The following NRXN3 variants were observed in gnomAD, a reference collection of about 807,000 sequenced individuals.
NRXN3 encodes neurexin 3, also known as neurexin III.
A neutral mutation model predicts 137.6 loss-of-function variants in NRXN3; 32 were observed. The observed-to-expected ratio is 0.23, with a 90% CI of 0.18 to 0.31. NRXN3 has a LOEUF of 0.31. NRXN3 is among the 10% of genes least tolerant of loss of function. NRXN3 has a pLI of 1.00. For missense variants in NRXN3, 1,574 were observed against 2,062.5 expected (o/e 0.76, Z 4.59); for synonymous variants, 798 against 784.5 (o/e 1.02, Z -0.29).
At chr14:79,015,739 C>T (rs899578806) in intron 15 of NRXN3, among the ~76,000 whole-genome samples, 2 of 152,164 alleles carry the variant, frequency 1.3e-5, no homozygotes, top group African/African-American at 4.8e-5. Flanking sequence ...AGGGGTGTGG[C>T]ATTGTCTGGT....
intron 4 of NRXN3, among the ~76,000 whole-genome samples, chr14:78,484,811 T>C (rs1459670635): frequency 1.3e-5 from 2 of 152,154 alleles, no homozygotes; most frequent in Non-Finnish European, 2.9e-5. Context: ...TCTAAGAGAA[T>C]GGGATATTTC....
Position 79,292,786 on chromosome 14 carries a change from A to T in NRXN3, c.3263-174435A>T, listed in dbSNP as rs374418806. Reference sequence around the variant, plus strand: ...GTAAATGTGTGAACCAAAATAAACGATGTAACAGAAAACCTTCATAGCAGC... The same window carrying T: ...GTAAATGTGTGAACCAAAATAAACGTTGTAACAGAAAACCTTCATAGCAGC... On this transcript the variant is annotated intron_variant, in intron 15 of 20. Transcript: ENST00000335750. Among the ~76,000 whole-genome samples, 7 of 152,312 alleles carry T rather than the reference A, an allele frequency of 4.6e-5. No homozygotes were observed. The East Asian group carries it at 1.4e-3, about 29-fold the overall frequency.
chr14:78,500,668 G>T (rs2095862400), intron 4 of NRXN3, among the ~76,000 whole-genome samples: 1 of 152,134 alleles, frequency 6.6e-6, no homozygotes, highest in Non-Finnish European at 1.5e-5. Flanking sequence ...TCACCTTAGG[G>T]TCCTAAGAGA....
intron 15 of NRXN3, among the ~76,000 whole-genome samples, chr14:79,205,835 C>T (rs1053708714): frequency 6.6e-6 from 1 of 152,114 alleles, no homozygotes; most frequent in East Asian, 1.9e-4. Context: ...TCTATTTCTC[C>T]ATGTTGCTAC....
At chr14:78,726,515 CTTTTT>C (rs71452901) in intron 8 of NRXN3, among the ~76,000 whole-genome samples, 1 of 102,454 alleles carries the variant, frequency 9.8e-6, no homozygotes, top group African/African-American at 3.7e-5. Flanking sequence ...ACCATTTTAG[CTTTTT>C]TTTTTTTTTT....
intron 15 of NRXN3, among the ~76,000 whole-genome samples, chr14:79,309,020 C>T (rs1313001462): frequency 1.1e-4 from 13 of 117,172 alleles, no homozygotes; most frequent in African/African-American, 4.1e-4. Context: ...CATGCTGGTG[C>T]GCTGCACCCA....
chr14:79,168,638 A>G (rs907794300), intron 15 of NRXN3, among the ~76,000 whole-genome samples: 1 of 151,804 alleles, frequency 6.6e-6, no homozygotes, highest in Non-Finnish European at 1.5e-5. Context: ...CACTCTACCT[A>G]GGCTGGTTTC....
chr14:79,533,782 T>C (rs560984193), intron 16 of NRXN3, among the ~76,000 whole-genome samples: 6 of 152,324 alleles, frequency 3.9e-5, no homozygotes, highest in African/African-American at 1.4e-4. Context: ...TTGGCCATTC[T>C]ATGAATAGTA....
chr14:79,288,663 G>A (rs2082675038), intron 15 of NRXN3, among the ~76,000 whole-genome samples: 1 of 152,182 alleles, frequency 6.6e-6, no homozygotes, highest in Non-Finnish European at 1.5e-5. Flanking sequence ...CACACAGTCT[G>A]TCAACTCAGG....
At chr14:79,239,097 T>A (rs1035386245) in intron 15 of NRXN3, among the ~76,000 whole-genome samples, 1 of 152,146 alleles carries the variant, frequency 6.6e-6, no homozygotes, top group African/African-American at 2.4e-5. Context: ...TACATGCGTA[T>A]ATACATAGTT....
Position 79,861,313 on chromosome 14 carries a change from T to G in NRXN3, c.4094-29T>G, listed in dbSNP as rs927757684. The G allele has an allele frequency of 1.4e-5, 21 of 1,535,966 alleles. No homozygotes were observed. Among genetic ancestry groups the G allele is most frequent in the Non-Finnish European group, 1.7e-5 (19 of 1,146,922 alleles). On this transcript the variant is annotated intron_variant, in intron 20 of 20. Coordinates refer to ENST00000335750, the MANE Select transcript of NRXN3 (RefSeq NM_001330195.2). This position sits in a 1 kb window ranked among gnomAD's most constrained non-coding sequence, Gnocchi z 5.4. ...ACCTGCCCCCTACTGATGATGAAGA[T>G]TTTTACACCACCTTCTCCTTGGTAA...
At chr14:79,085,740 A>G (rs983341285) in intron 15 of NRXN3, among the ~76,000 whole-genome samples, 25 of 152,206 alleles carry the variant, frequency 1.6e-4, no homozygotes, top group African/African-American at 5.3e-4. Flanking sequence ...GAGAGAGGGA[A>G]AAAGTCTGAA....
intron 4 of NRXN3, among the ~76,000 whole-genome samples, chr14:78,326,341 A>G (rs1299674941): frequency 6.6e-6 from 1 of 152,210 alleles, no homozygotes; most frequent in African/African-American, 2.4e-5. Flanking sequence ...GAGGAGAGTC[A>G]TGAGTCTGAG....
At chr14:78,692,744 A>G (rs1455012815) in intron 6 of NRXN3, among the ~76,000 whole-genome samples, 1 of 152,202 alleles carries the variant, frequency 6.6e-6, no homozygotes, top group Non-Finnish European at 1.5e-5. Flanking sequence ...TAATTATGGC[A>G]TCTTATAGAA....
At chr14:79,498,860 C>T (rs1223990163) in intron 16 of NRXN3, among the ~76,000 whole-genome samples, 1 of 152,244 alleles carries the variant, frequency 6.6e-6, no homozygotes, top group Non-Finnish European at 1.5e-5. Flanking sequence ...TCATAGCTCA[C>T]TACAGCCTCA....
chr14:78,600,461 G>A (rs375305022), intron 4 of NRXN3, among the ~76,000 whole-genome samples: 1 of 152,098 alleles, frequency 6.6e-6, no homozygotes, highest in East Asian at 1.9e-4. Context: ...CAGATTTGAG[G>A]AGTCATAAAA....
intron 15 of NRXN3, among the ~76,000 whole-genome samples, chr14:79,269,168 G>A (rs969113765): frequency 2.6e-5 from 4 of 152,102 alleles, no homozygotes; most frequent in African/African-American, 9.7e-5. Context: ...TCCTGCCTCA[G>A]CCTCCCAAGT....
chr14:79,167,079 T>C (rs1201751480), intron 15 of NRXN3, among the ~76,000 whole-genome samples: 1 of 152,006 alleles, frequency 6.6e-6, no homozygotes, highest in African/African-American at 2.4e-5. Flanking sequence ...ATTATTACAT[T>C]TTTATGACAA....
intron 16 of NRXN3, among the ~76,000 whole-genome samples, chr14:79,597,798 A>T (rs2097875230): frequency 6.6e-6 from 1 of 152,094 alleles, no homozygotes; most frequent in East Asian, 1.9e-4. Flanking sequence ...AGTCTCTTGG[A>T]TCTGTGAAAA....
Sources: gnomAD v4.1 joint callset for allele counts (sites outside exome capture counted in the v4.1 genomes callset) on GRCh38, gnomAD v4.1.1 for gene constraint, Gnocchi (gnomAD v3.1) non-coding constraint, MANE v1.5 for transcripts, NCBI Gene and HGNC (gene_info 2026-07-23, HGNC 2026-07-21) for gene names.